Variants in RALYL observed in about 807,000 individuals in gnomAD.
RALYL encodes RNA-binding Raly-like protein.
In RALYL, 29 loss-of-function variants were observed where a neutral mutation model predicts 35.1. The ratio of observed to expected loss-of-function variants is 0.83; its 90% CI spans 0.61 to 1.13. RALYL has a LOEUF of 1.13. RALYL is among the 50% of genes most tolerant of loss of function. The pLI, the probability that RALYL is intolerant of heterozygous loss-of-function variation, is 0.00. For missense variants in RALYL, 359 were observed against 360.4 expected (o/e 1.00, Z 0.03); for synonymous variants, 120 against 127.6 (o/e 0.94, Z 0.40).
At chr8:84,553,861 G>T (rs2060915926) in intron 2 of RALYL, among the ~76,000 whole-genome samples, 1 of 151,962 alleles carries the variant, frequency 6.6e-6, no homozygotes, top group South Asian at 2.1e-4. Context: ...AATATTATTA[G>T]CCAAGTGACT....
intron 2 of RALYL, among the ~76,000 whole-genome samples, chr8:84,609,577 A>C (rs1186971059): frequency 2.0e-5 from 3 of 152,192 alleles, no homozygotes; most frequent in Admixed American, 6.5e-5. Flanking sequence ...ACCAGTGCCT[A>C]GTTCAAAACT....
At chr8:84,605,729 C>A (rs1816973741) in intron 2 of RALYL, among the ~76,000 whole-genome samples, 1 of 152,216 alleles carries the variant, frequency 6.6e-6, no homozygotes, top group Non-Finnish European at 1.5e-5. Context: ...CAATCTTTTT[C>A]TCCCTCCCTA....
intron 1 of RALYL, among the ~76,000 whole-genome samples, chr8:84,423,520 C>T (rs923456706): frequency 9.9e-5 from 15 of 152,034 alleles, no homozygotes; most frequent in African/African-American, 3.6e-4. Context: ...CAGTCTGTGT[C>T]TTTTAATTGG....
In RALYL at chr8:84,353,296, A is replaced by G. The variant is rs1851248148; in HGVS notation, c.-24+168872A>G. On this transcript the variant is annotated intron_variant, in intron 1 of 8. Coordinates refer to ENST00000521268, the MANE Select transcript of RALYL (RefSeq NM_173848.7). The stretch of plus-strand genomic sequence containing the variant: ...ATCGTTTAGCCCACTCCAGTGAGTC[A>G]TTCACTGTACTGTCTTGGTGATATC... 2.0e-5 allele frequency among the ~76,000 whole-genome samples: 3 copies of G among 150,122 alleles called. 1 individual carries two copies. The highest frequency in any genetic ancestry group is 7.4e-5 in the African/African-American group (3 of 40,296).
intron 1 of RALYL, among the ~76,000 whole-genome samples, chr8:84,276,661 T>C (rs1020637852): frequency 2.6e-5 from 4 of 151,942 alleles, no homozygotes; most frequent in African/African-American, 9.7e-5. Flanking sequence ...CAGATAACAG[T>C]GAGATGAAAA....
chr8:84,780,541 G>A (rs1817908527), intron 3 of RALYL, among the ~76,000 whole-genome samples: 1 of 152,116 alleles, frequency 6.6e-6, no homozygotes, highest in Non-Finnish European at 1.5e-5. Flanking sequence ...CTAGAAAAGG[G>A]GTCAAACATT....
intron 1 of RALYL, among the ~76,000 whole-genome samples, chr8:84,351,952 T>C (rs561635082): frequency 6.7e-6 from 1 of 150,090 alleles, no homozygotes; most frequent in Admixed American, 6.6e-5. Context: ...CCTGGAGAGG[T>C]TAATTTCACA....
chr8:84,211,609 G>T (rs1241031649), intron 1 of RALYL, among the ~76,000 whole-genome samples: 1 of 152,040 alleles, frequency 6.6e-6, no homozygotes, highest in African/African-American at 2.4e-5. Context: ...TTTGAAAATG[G>T]CTGTAAGGTT....
intron 1 of RALYL, among the ~76,000 whole-genome samples, chr8:84,213,509 A>G (rs531839484): frequency 6.6e-6 from 1 of 152,368 alleles, no homozygotes; most frequent in East Asian, 1.9e-4. Flanking sequence ...GAAAACATGC[A>G]TCACATTTTA....
At chr8:84,795,963 T>C (rs1444881898) in intron 3 of RALYL, among the ~76,000 whole-genome samples, 1 of 152,154 alleles carries the variant, frequency 6.6e-6, no homozygotes, top group East Asian at 1.9e-4. Context: ...ACCACAAATG[T>C]CTGCATTTGG....
intron 2 of RALYL, among the ~76,000 whole-genome samples, chr8:84,536,427 T>C (rs1161375818): frequency 5.9e-5 from 9 of 152,208 alleles, no homozygotes; most frequent in Non-Finnish European, 4.4e-5. Context: ...CAAGCATCCA[T>C]CCTATTTCAC....
At chr8:84,568,444 T>C (rs1265006015) in intron 2 of RALYL, among the ~76,000 whole-genome samples, 1 of 151,112 alleles carries the variant, frequency 6.6e-6, no homozygotes, top group Non-Finnish European at 1.5e-5. Context: ...TAATCCAGTC[T>C]ATCATTGTTG....
intron 1 of RALYL, among the ~76,000 whole-genome samples, chr8:84,402,842 T>C (rs2043050590): frequency 6.6e-6 from 1 of 152,208 alleles, no homozygotes; most frequent in South Asian, 2.1e-4. Flanking sequence ...GACTTTTTAA[T>C]GATCGCCATT....
intron 3 of RALYL, among the ~76,000 whole-genome samples, chr8:84,784,726 G>A (rs1818970804): frequency 6.6e-6 from 1 of 151,978 alleles, no homozygotes; most frequent in African/African-American, 2.4e-5. Flanking sequence ...TTCTTCTGAT[G>A]GAATTATAAG....
chr8:84,810,554 T>C (rs900407018), intron 4 of RALYL, among the ~76,000 whole-genome samples: 6 of 152,312 alleles, frequency 3.9e-5, no homozygotes, highest in Non-Finnish European at 8.8e-5. Flanking sequence ...ACTTTCTGTC[T>C]TGATGACCTG....
chr8:84,490,676 A>G (rs1182945487), intron 1 of RALYL, among the ~76,000 whole-genome samples: 1 of 151,412 alleles, frequency 6.6e-6, no homozygotes, highest in East Asian at 1.9e-4. Flanking sequence ...ATATTTTAGG[A>G]TAAAAAAGAT....
intron 1 of RALYL, among the ~76,000 whole-genome samples, chr8:84,340,196 T>G (rs1303002062): frequency 6.6e-6 from 1 of 152,076 alleles, no homozygotes; most frequent in Non-Finnish European, 1.5e-5. Context: ...AATTACCTAG[T>G]CTCAGGTATT....
intron 2 of RALYL, among the ~76,000 whole-genome samples, chr8:84,670,914 T>G (rs1414278241): frequency 6.6e-6 from 1 of 152,142 alleles, no homozygotes; most frequent in African/African-American, 2.4e-5. Context: ...CCCGAAGTCT[T>G]AACTCATTTC....
intron 2 of RALYL, among the ~76,000 whole-genome samples, chr8:84,612,988 T>C (rs1310045568): frequency 1.3e-5 from 2 of 151,686 alleles, no homozygotes; most frequent in Non-Finnish European, 2.9e-5. Context: ...CTCTTCCCTT[T>C]GAAGGTGGTT....
Sources: allele counts gnomAD v4.1 joint callset (sites outside exome capture counted in the v4.1 genomes callset), GRCh38; gene constraint gnomAD v4.1.1; transcripts MANE v1.5; gene names NCBI Gene and HGNC (gene_info 2026-07-23, HGNC 2026-07-21).